PLCXD3: variants seen among roughly 807,000 people sequenced by gnomAD.
The protein encoded by PLCXD3 is phosphatidylinositol specific phospholipase C X domain containing 3, also known as PI-PLC X domain-containing protein 3.
Under a neutral mutation model 25.5 loss-of-function variants are expected in PLCXD3, and 19 were observed. The ratio of observed to expected loss-of-function variants is 0.75; its 90% CI spans 0.52 to 1.09. The LOEUF (loss-of-function observed/expected upper bound fraction) is 1.09, where lower values mean the gene tolerates loss of function less well. Ranked by LOEUF, PLCXD3 falls within the 50% of genes least tolerant of loss-of-function variation. PLCXD3 has a pLI of 0.00. For synonymous variants in PLCXD3, 174 were observed against 137.6 expected (o/e 1.26, Z -1.85); for missense variants, 411 against 388.1 (o/e 1.06, Z -0.50).
At chr5:41,361,141 G>A (rs758166869) in intron 2 of PLCXD3, among the ~76,000 whole-genome samples, 7 of 152,002 alleles carry the variant, frequency 4.6e-5, no homozygotes, top group Admixed American at 6.6e-5. Context: ...CAGGGGTTAC[G>A]GCTGCCTCTT....
intron 2 of PLCXD3, among the ~76,000 whole-genome samples, chr5:41,320,857 C>T (rs986631423): frequency 2.0e-5 from 3 of 152,188 alleles, no homozygotes; most frequent in Non-Finnish European, 4.4e-5. Flanking sequence ...ATATGATCAT[C>T]TCAATTGATG....
At chr5:41,331,438 A>T (rs1019635617) in intron 2 of PLCXD3, among the ~76,000 whole-genome samples, 5 of 152,200 alleles carry the variant, frequency 3.3e-5, no homozygotes, top group Admixed American at 6.5e-5. Flanking sequence ...CAAGGAAATA[A>T]AAGAGGATAC....
chr5:41,403,398 G>GTTTTTTTTTTTTTTTTTTGTTT (rs764950342), intron 1 of PLCXD3, among the ~76,000 whole-genome samples: 1 of 33,990 alleles, frequency 2.9e-5, no homozygotes, highest in Non-Finnish European at 6.5e-5. Flanking sequence ...TGACTTATTT[G>GTTTTTTTTTTTTTTTTTTGTTT]TTGTTTTTTT....
chr5:41,354,544 G>T (rs1369727527), intron 2 of PLCXD3, among the ~76,000 whole-genome samples: 5 of 151,380 alleles, frequency 3.3e-5, no homozygotes, highest in Admixed American at 3.3e-4. Context: ...CAATTCCTAT[G>T]ACCACACCTC....
chr5:41,418,238 A>G (rs1267395453), intron 1 of PLCXD3, among the ~76,000 whole-genome samples: 1 of 152,206 alleles, frequency 6.6e-6, no homozygotes, highest in Non-Finnish European at 1.5e-5. Context: ...TTTAAAACAC[A>G]CACACACAAG....
chr5:41,451,490 G>C (rs1580379763), intron 1 of PLCXD3, among the ~76,000 whole-genome samples: 1 of 152,052 alleles, frequency 6.6e-6, no homozygotes, highest in East Asian at 1.9e-4. Flanking sequence ...TAGCAGAAAA[G>C]ATGGGTATAG....
At chr5:41,395,673 A>T in intron 1 of PLCXD3, among the ~76,000 whole-genome samples, 1 of 152,170 alleles carries the variant, frequency 6.6e-6, no homozygotes, top group African/African-American at 2.4e-5. Context: ...AGCTACTATG[A>T]GCAACTATAT....
At chr5:41,403,282 T>TAAAATAGCTA (rs1478995343) in intron 1 of PLCXD3, among the ~76,000 whole-genome samples, 1 of 122,152 alleles carries the variant, frequency 8.2e-6, no homozygotes, top group East Asian at 2.1e-4. Context: ...GAGGAACTCT[T>TAAAATAGCTA]TTTTTTTTTT....
chr5:41,373,265 T>G (rs907983690), intron 2 of PLCXD3, among the ~76,000 whole-genome samples: 1 of 152,170 alleles, frequency 6.6e-6, no homozygotes, highest in Non-Finnish European at 1.5e-5. Flanking sequence ...AGACTGGTTC[T>G]GGTCAGTTTA....
intron 1 of PLCXD3, among the ~76,000 whole-genome samples, chr5:41,460,916 T>C (rs1403442142): frequency 2.0e-5 from 3 of 151,998 alleles, no homozygotes; most frequent in African/African-American, 7.2e-5. Context: ...AGCTATAACT[T>C]GTTATAAATT....
intron 1 of PLCXD3, among the ~76,000 whole-genome samples, chr5:41,393,461 G>T (rs2150496940): frequency 6.6e-6 from 1 of 152,262 alleles, no homozygotes; most frequent in Non-Finnish European, 1.5e-5. Flanking sequence ...TAGTATATCT[G>T]GCAAAATATA....
chr5:41,468,478 T>A (rs191380546), intron 1 of PLCXD3, among the ~76,000 whole-genome samples: 1 of 152,330 alleles, frequency 6.6e-6, no homozygotes, highest in African/African-American at 2.4e-5. Context: ...ATGACTATTT[T>A]CACAAAATTA....
At chr5:41,453,395 C>A (rs1441736517) in intron 1 of PLCXD3, among the ~76,000 whole-genome samples, 3 of 150,990 alleles carry the variant, frequency 2.0e-5, no homozygotes, top group African/African-American at 4.9e-5. Flanking sequence ...TTGGTTTCCT[C>A]AATATCTTTA....
intron 2 of PLCXD3, among the ~76,000 whole-genome samples, chr5:41,332,749 G>A (rs1561235241): frequency 1.3e-5 from 2 of 152,220 alleles, no homozygotes; most frequent in South Asian, 2.1e-4. Flanking sequence ...ATACGCCATG[G>A]AATACTATAC....
At chr5:41,499,874 A>G (rs1185004516) in intron 1 of PLCXD3, among the ~76,000 whole-genome samples, 1 of 151,812 alleles carries the variant, frequency 6.6e-6, no homozygotes, top group East Asian at 1.9e-4. Flanking sequence ...TACTAAGAAT[A>G]CACAATGGGG....
chr5:41,430,463 T>C (rs1396801460), intron 1 of PLCXD3, among the ~76,000 whole-genome samples: 1 of 152,184 alleles, frequency 6.6e-6, no homozygotes, highest in African/African-American at 2.4e-5. Context: ...TAGGTGTAGC[T>C]TGAAGGAACA....
chr5:41,393,100 G>A (rs1352950864), intron 1 of PLCXD3, among the ~76,000 whole-genome samples: 1 of 152,154 alleles, frequency 6.6e-6, no homozygotes, highest in African/African-American at 2.4e-5. Flanking sequence ...TCTAAGATTT[G>A]TTGACCTTGA....
At chr5:41,477,712 C>A (rs1385981488) in intron 1 of PLCXD3, among the ~76,000 whole-genome samples, 1 of 152,074 alleles carries the variant, frequency 6.6e-6, no homozygotes, top group African/African-American at 2.4e-5. Flanking sequence ...CATTAGAAGT[C>A]ATTCTGAAGA....
At chr5:41,314,955 G>T (rs1176942258) in intron 2 of PLCXD3, among the ~76,000 whole-genome samples, 1 of 152,146 alleles carries the variant, frequency 6.6e-6, no homozygotes, top group Non-Finnish European at 1.5e-5. Context: ...TCAGAAGAAT[G>T]CTTGCTAAAA....
Sources: gnomAD v4.1 joint callset for allele counts (sites outside exome capture counted in the v4.1 genomes callset) on GRCh38, gnomAD v4.1.1 for gene constraint, MANE v1.5 for transcripts, NCBI Gene and HGNC (gene_info 2026-07-23, HGNC 2026-07-21) for gene names.